The following ENDOG variants were observed in gnomAD, a reference collection of about 807,000 sequenced individuals.
ENDOG encodes endonuclease G, mitochondrial.
ENDOG carries 22 observed loss-of-function variants against 22.6 expected under a neutral mutation model. The ratio of observed to expected loss-of-function variants is 0.97; its 90% CI spans 0.70 to 1.39. The LOEUF is 1.39. ENDOG is among the 40% of genes most tolerant of loss of function. ENDOG has a pLI of 0.00. For synonymous variants in ENDOG, 173 were observed against 200.2 expected, an observed-to-expected ratio of 0.86 and a Z score of 1.15; for missense variants, 403 against 431.3, an observed-to-expected ratio of 0.93 and a Z score of 0.58.
chr9:128,819,144 G>A lies in ENDOG; in HGVS notation c.460G>A (p.Ala154Thr), dbSNP rs766955866. The A allele has an allele frequency of 2.0e-5, 31 of 1,518,794 alleles. No homozygotes were observed. Among genetic ancestry groups the A allele is most frequent in the Admixed American group, 1.6e-4 (8 of 48,510 alleles). The allele number at this position is 1,518,794 out of a possible 1,614,324, so 94.1% of individuals were successfully genotyped here. A position where few individuals can be genotyped will look rare whatever the true frequency, so the allele number is the denominator to read the frequency against. Reference sequence around the variant, plus strand: ...CGCCAACCACCGCTGGAGCCAGAAGGCCATGGACGACACGTTCTACCTGAG... The same window carrying A: ...CGCCAACCACCGCTGGAGCCAGAAGACCATGGACGACACGTTCTACCTGAG... ...AAANHRWSQKAMDDTFYLSNV... is the reference protein window; with the variant it reads ...AAANHRWSQKTMDDTFYLSNV... The change falls in exon 1 of 3, where the codon GCC becomes ACC. Residue 154 changes from alanine (A) to threonine (T), a missense_variant. Ala to Thr is a moderately conservative substitution (Grantham distance 58). Coordinates refer to ENST00000372642, the MANE Select transcript of ENDOG (RefSeq NM_004435.2).
Position 128,818,689 on chromosome 9 carries a change from G to T in ENDOG, c.5G>T (p.Arg2Leu). The change falls in exon 1 of 3, where the codon CGG (arginine) becomes CTG (leucine). Residue 2 changes from arginine (R) to leucine (L), a missense_variant. Coordinates refer to ENST00000372642, the MANE Select transcript of ENDOG (RefSeq NM_004435.2). M[R>L]ALRAGLTLAS... ...CCGCTAGGTCGCTCCCCGGCCATGC[G>T]GGCGCTGCGGGCCGGCCTGACCCTG... 8.6e-7 allele frequency: 1 copy of T among 1,165,956 alleles called. No homozygotes were observed. Among genetic ancestry groups the T allele is most frequent in the Non-Finnish European group, 1.1e-6 (1 of 945,696 alleles). The allele number at this position is 1,165,956 out of a possible 1,614,324, so 72.2% of individuals were successfully genotyped here. A position where few individuals can be genotyped will look rare whatever the true frequency, so the allele number is the denominator to read the frequency against.
Position 128,822,352 on chromosome 9 carries a change from C to A in ENDOG, c.636C>A (p.Tyr212Ter). Residue 212 changes from tyrosine to a stop codon, truncating the protein, a stop_gained, in exon 3 of 3, where the codon TAC (tyrosine) becomes TAA (stop). Coordinates refer to ENST00000372642, the MANE Select transcript of ENDOG (RefSeq NM_004435.2). LOFTEE classifies it high-confidence loss of function. ...LPRTEADGKS[Y>*]VKYQVIGKNH... ...GGACAGAGGCTGATGGGAAATCCTA[C>A]GTAAAGTACCAGGTCATCGGCAAGA... The A allele has an allele frequency of 6.2e-7, 1 of 1,613,712 alleles. No individual in the cohort carries two copies. The highest frequency in any genetic ancestry group is 8.5e-7 in the Non-Finnish European group (1 of 1,179,888).
In ENDOG at chr9:128,822,656, TTAAAG is replaced by T; in HGVS notation, c.*47_*51del. 3 of 1,554,906 alleles carry T rather than the reference TTAAAG, an allele frequency of 1.9e-6. No individual in the cohort carries two copies. The highest frequency in any genetic ancestry group is 2.6e-6 in the Non-Finnish European group (3 of 1,148,656). On this transcript the variant is annotated 3_prime_UTR_variant, in exon 3 of 3. Coordinates refer to ENST00000372642, the MANE Select transcript of ENDOG (RefSeq NM_004435.2). ...GTGGGTGTGTGCAGGCCGGGGAGTA[TTAAAG>T]GTGGTGATTTTTGGAGACAAGTCTG...
rs1174621295 is a variant in ENDOG, at chr9:128,818,997, C to T, written c.313C>T (p.Arg105Cys). The change falls in exon 1 of 3, where the codon CGC (arginine) becomes TGC (cysteine). Residue 105 changes from arginine (R) to cysteine (C), a missense_variant. By Grantham distance (180) the Arg-to-Cys change is radical. Transcript: ENST00000372642. ...VVEQLRPERL[R>C]GDGDRRECDF... ...GGAGCAGCTGCGACCCGAGCGTCTC[C>T]GCGGCGACGGCGACCGGCGCGAGTG... 17 of 1,484,230 alleles carry T rather than the reference C, an allele frequency of 1.1e-5. No individual in the cohort carries two copies. In the Middle Eastern group the frequency reaches 6.5e-4, roughly 57 times the overall value. The allele number at this position is 1,484,230 out of a possible 1,614,324, so 91.9% of individuals were successfully genotyped here. A position where few individuals can be genotyped will look rare whatever the true frequency, so the allele number is the denominator to read the frequency against.
rs572345203 is a variant in ENDOG, at chr9:128,818,747, G to C, written c.63G>C (p.Glu21Asp). 8.5e-7 allele frequency: 1 copy of C among 1,177,724 alleles called. No individual in the cohort carries two copies. Among genetic ancestry groups the C allele is most frequent in the Non-Finnish European group, 1.0e-6 (1 of 954,020 alleles). The allele number at this position is 1,177,724 out of a possible 1,614,324, so 73.0% of individuals were successfully genotyped here. ...ASGAGLGAVV[E>D]GWRRRREDAR... ...GCGCGGGGCTGGGTGCGGTCGTCGA[G>C]GGCTGGCGGCGGCGGCGGGAGGACG... is the stretch of plus-strand genomic sequence containing the variant. Residue 21 changes from glutamate (E) to aspartate (D), a missense_variant, in exon 1 of 3, where the codon GAG becomes GAC. Coordinates refer to ENST00000372642, the MANE Select transcript of ENDOG (RefSeq NM_004435.2).
rs1442441786 is a variant in ENDOG, at chr9:128,818,944, C to A, written c.260C>A (p.Pro87Gln). ...SRESYVLCYD[P>Q]RTRGALWVVE... ...GAGTCGTACGTGCTGTGCTACGACC[C>A]GCGCACCCGCGGCGCGCTCTGGGTG... Residue 87 changes from proline to glutamine, a missense_variant, in exon 1 of 3, where the codon CCG becomes CAG. Transcript: ENST00000372642. 6.7e-7 allele frequency: 1 copy of A among 1,492,606 alleles called. No homozygotes were observed. Among genetic ancestry groups the A allele is most frequent in the Non-Finnish European group, 8.9e-7 (1 of 1,129,288 alleles). 92.5% of individuals were successfully genotyped at this position (1,492,606 alleles called of 1,614,324 possible).
intron 2 of ENDOG, chr9:128,821,192 T>C (rs1830106926): frequency 6.5e-6 from 2 of 306,180 alleles, no homozygotes; most frequent in African/African-American, 2.2e-5. Flanking sequence ...CTCTCCCACC[T>C]TCCCCCCGCA....
chr9:128,822,055 A>G (rs897861327), intron 2 of ENDOG: 13 of 504,524 alleles, frequency 2.6e-5, no homozygotes, highest in Non-Finnish European at 4.7e-5. Context: ...GAATGTGAAT[A>G]TTCAGAAGGC....
chr9:128,818,674 G>T lies in ENDOG; in HGVS notation c.-11G>T. On this transcript the variant is annotated 5_prime_UTR_variant, in exon 1 of 3. Coordinates refer to ENST00000372642, the MANE Select transcript of ENDOG (RefSeq NM_004435.2). Reference sequence around the variant, plus strand: ...CTCGCGGGTCGCCCGCCGCTAGGTCGCTCCCCGGCCATGCGGGCGCTGCGG... The same window carrying T: ...CTCGCGGGTCGCCCGCCGCTAGGTCTCTCCCCGGCCATGCGGGCGCTGCGG... The T allele has an allele frequency of 8.6e-7, 1 of 1,164,850 alleles. No individual in the cohort carries two copies. The highest frequency in any genetic ancestry group is 1.1e-6 in the Non-Finnish European group (1 of 944,978). 72.2% of individuals were successfully genotyped at this position (1,164,850 alleles called of 1,614,324 possible).
chr9:128,821,220 G>A (rs757636353), intron 2 of ENDOG: 2 of 267,298 alleles, frequency 7.5e-6, no homozygotes, highest in Non-Finnish European at 1.5e-5. Flanking sequence ...AGTGCACCAA[G>A]CTCTCCCGCC....
rs1199753939 is a variant in ENDOG, at chr9:128,819,140, G to A, written c.456G>A (p.Gln152=). ...CCGCCGCCAACCACCGCTGGAGCCAGAAGGCCATGGACGACACGTTCTACC... is the reference window on the plus strand; with the variant it reads ...CCGCCGCCAACCACCGCTGGAGCCAAAAGGCCATGGACGACACGTTCTACC... The part of the protein sequence containing the change: ...LAAAANHRWS[Q]KAMDDTFYLS... The change falls in exon 1 of 3, where the codon CAG becomes CAA. Residue 152 remains glutamine, a synonymous_variant. Coordinates refer to ENST00000372642, the MANE Select transcript of ENDOG (RefSeq NM_004435.2). 1.3e-6 allele frequency: 2 copies of A among 1,520,192 alleles called. No individual in the cohort carries two copies. The highest frequency in any genetic ancestry group is 1.8e-6 in the Non-Finnish European group (2 of 1,136,880). The allele number at this position is 1,520,192 out of a possible 1,614,324, so 94.2% of individuals were successfully genotyped here. A position where few individuals can be genotyped will look rare whatever the true frequency, so the allele number is the denominator to read the frequency against.
chr9:128,819,084 G>A lies in ENDOG; in HGVS notation c.400G>A (p.Gly134Ser). 2 of 1,517,764 alleles carry A rather than the reference G, an allele frequency of 1.3e-6. No individual in the cohort carries two copies. The highest frequency in any genetic ancestry group is 1.2e-5 in the South Asian group (1 of 82,214). The allele number at this position is 1,517,764 out of a possible 1,614,324, so 94.0% of individuals were successfully genotyped here. ...CCGTGCCACCAACGCCGACTACCGC[G>A]GCAGTGGCTTCGACCGCGGTCACCT... ...YHRATNADYR[G>S]SGFDRGHLAA... The change falls in exon 1 of 3, where the codon GGC (glycine) becomes AGC (serine). Residue 134 changes from glycine to serine, a missense_variant. Gly to Ser is a moderately conservative substitution (Grantham distance 56). Transcript: ENST00000372642.
At position 128,818,513 on chromosome 9, in the gene ENDOG, C is replaced by T. The variant is rs1012145008; in HGVS notation, c.-172C>T. On this transcript the variant is annotated 5_prime_UTR_variant, in exon 1 of 3. Transcript: ENST00000372642. ...AGGACGCCGGGGACACCCGGTTGGG[C>T]TCTGCTGCTCCCTTCTGGGTTCCGA... The T allele has an allele frequency of 4.1e-6, 3 of 730,216 alleles. No individual in the cohort carries two copies. In the African/African-American group the frequency reaches 5.7e-5, roughly 14 times the overall value. 45.2% of individuals were successfully genotyped at this position (730,216 alleles called of 1,614,324 possible).
rs1399552002 is a variant in ENDOG, at chr9:128,818,816, C to T, written c.132C>T (p.Pro44=). The change falls in exon 1 of 3, where the codon CCC becomes CCT. Residue 44 remains proline, a synonymous_variant. Transcript: ENST00000372642. ...TGCTGGGCCGGCTGCCCGTGCTGCC[C>T]GTGGCGGCGGCAGCCGAGTTGCCCC... ...PGLLGRLPVL[P]VAAAAELPPV... 1.5e-6 allele frequency: 2 copies of T among 1,290,494 alleles called. No homozygotes were observed. Among genetic ancestry groups the T allele is most frequent in the Non-Finnish European group, 2.0e-6 (2 of 1,020,586 alleles). The allele number at this position is 1,290,494 out of a possible 1,614,324, so 79.9% of individuals were successfully genotyped here. A position where few individuals can be genotyped will look rare whatever the true frequency, so the allele number is the denominator to read the frequency against.
At position 128,822,217 on chromosome 9, in the gene ENDOG, G is replaced by C. The variant is rs144560923; in HGVS notation, c.612-111G>C. 1.1e-3 allele frequency: 1,417 copies of C among 1,312,776 alleles called. 5 individuals are homozygous for C. The African/African-American group carries it at 0.014, about 13-fold the overall frequency. The allele number at this position is 1,312,776 out of a possible 1,614,324, so 81.3% of individuals were successfully genotyped here. A position where few individuals can be genotyped will look rare whatever the true frequency, so the allele number is the denominator to read the frequency against. ...TACAGAAGTCTCACAGTGAGGGCGT[G>C]GTCCTGCAGGTTGACAGAAGTTAGA... is the stretch of plus-strand genomic sequence containing the variant. On this transcript the variant is annotated intron_variant, in intron 2 of 2. Coordinates refer to ENST00000372642, the MANE Select transcript of ENDOG (RefSeq NM_004435.2).
rs1830055408 is a variant in ENDOG, at chr9:128,819,176, C to G, written c.492C>G (p.Val164=). ...AMDDTFYLSN[V]APQVPHLNQN... The stretch of plus-strand genomic sequence containing the variant: ...ACGACACGTTCTACCTGAGCAACGT[C>G]GCGCCCCAGGTAGCGCCCGCGCCCC... Residue 164 remains valine, a synonymous_variant, in exon 1 of 3, where the codon GTC becomes GTG. Coordinates refer to ENST00000372642, the MANE Select transcript of ENDOG (RefSeq NM_004435.2). The G allele has an allele frequency of 2.0e-6, 3 of 1,489,364 alleles. No homozygotes were observed. Among genetic ancestry groups the G allele is most frequent in the Non-Finnish European group, 1.8e-6 (2 of 1,124,896 alleles). 92.3% of individuals were successfully genotyped at this position (1,489,364 alleles called of 1,614,324 possible). A position where few individuals can be genotyped will look rare whatever the true frequency, so the allele number is the denominator to read the frequency against.
At chr9:128,819,687 A>G (rs1830067169) in intron 1 of ENDOG, 2 of 155,704 alleles carry the variant, frequency 1.3e-5, no homozygotes, top group African/African-American at 4.8e-5. Context: ...TTATTATTAC[A>G]TTGTAACATA....
rs1402512769 is a variant in ENDOG, at chr9:128,818,726, G to A, written c.42G>A (p.Ala14=). The A allele has an allele frequency of 2.6e-6, 3 of 1,174,158 alleles. No individual in the cohort carries two copies. The highest frequency in any genetic ancestry group is 3.2e-6 in the Non-Finnish European group (3 of 951,280). 72.7% of individuals were successfully genotyped at this position (1,174,158 alleles called of 1,614,324 possible). A position where few individuals can be genotyped will look rare whatever the true frequency, so the allele number is the denominator to read the frequency against. ...LRAGLTLASG[A]GLGAVVEGWR... ...CCGGCCTGACCCTGGCGTCGGGCGC[G>A]GGGCTGGGTGCGGTCGTCGAGGGCT... The change falls in exon 1 of 3, where the codon GCG becomes GCA. Residue 14 remains alanine, a synonymous_variant. Transcript: ENST00000372642.
rs374942763 is a variant in ENDOG at position 128,822,371 on chromosome 9, G to A, written c.655G>A (p.Gly219Ser). 69 of 1,613,786 alleles carry A rather than the reference G, an allele frequency of 4.3e-5. No individual in the cohort carries two copies. The highest frequency in any genetic ancestry group is 4.8e-5 in the Non-Finnish European group (57 of 1,180,000). Residue 219 changes from glycine (G) to serine (S), a missense_variant, in exon 3 of 3, where the codon GGC becomes AGC. Coordinates refer to ENST00000372642, the MANE Select transcript of ENDOG (RefSeq NM_004435.2). Reference protein sequence around the residue: ...GKSYVKYQVIGKNHVAVPTHF... With the variant: ...GKSYVKYQVISKNHVAVPTHF... Reference sequence around the variant, plus strand: ...ATCCTACGTAAAGTACCAGGTCATCGGCAAGAACCACGTGGCAGTGCCCAC... The same window carrying A: ...ATCCTACGTAAAGTACCAGGTCATCAGCAAGAACCACGTGGCAGTGCCCAC...
Sources: gnomAD v4.1 joint callset for allele counts on GRCh38, gnomAD v4.1.1 for gene constraint, MANE v1.5 for transcripts, NCBI Gene and HGNC (gene_info 2026-07-23, HGNC 2026-07-21) for gene names.